CTNNA3: variants seen among roughly 807,000 people sequenced by gnomAD.
CTNNA3 encodes the protein catenin alpha 3.
Under a neutral mutation model 95.7 loss-of-function variants are expected in CTNNA3, and 76 were observed. That is an observed-to-expected ratio of 0.79 (90% CI 0.66 to 0.96). CTNNA3 has a LOEUF of 0.96. CTNNA3 is among the 40% of genes least tolerant of loss of function. The pLI, the probability that CTNNA3 is intolerant of heterozygous loss-of-function variation, is 0.00. For missense variants in CTNNA3, 1,191 were observed against 1,089.8 expected (o/e 1.09, Z -1.31); for synonymous variants, 431 against 374.4 (o/e 1.15, Z -1.74).
chr10:67,480,530 C>T (rs946213613), intron 5 of CTNNA3, among the ~76,000 whole-genome samples: 1 of 152,224 alleles, frequency 6.6e-6, no homozygotes, highest in Non-Finnish European at 1.5e-5. Context: ...CTGGCCCACC[C>T]AGGGCAGAAA....
intron 5 of CTNNA3, among the ~76,000 whole-genome samples, chr10:67,277,895 C>T (rs1019814809): frequency 6.6e-6 from 1 of 152,102 alleles, no homozygotes; most frequent in African/African-American, 2.4e-5. Flanking sequence ...TCCCAGAAAA[C>T]TTATGAATAA....
At chr10:67,725,642 GAGGGAAA>G (rs1841205747) in intron 1 of CTNNA3, among the ~76,000 whole-genome samples, 1 of 151,714 alleles carries the variant, frequency 6.6e-6, no homozygotes, top group Non-Finnish European at 1.5e-5. Flanking sequence ...ATAACCAAGG[GAGGGAAA>G]AAATAAAGAG....
chr10:66,583,505 A>C (rs1843261832), intron 10 of CTNNA3, among the ~76,000 whole-genome samples: 2 of 151,834 alleles, frequency 1.3e-5, no homozygotes, highest in Admixed American at 1.3e-4. Context: ...AATCTTTTGT[A>C]TATCTGTAGT....
chr10:67,281,591 T>C (rs1839403185), intron 5 of CTNNA3, among the ~76,000 whole-genome samples: 1 of 152,156 alleles, frequency 6.6e-6, no homozygotes. Flanking sequence ...ATATTTATAA[T>C]TCAGCAGGGA....
intron 17 of CTNNA3, 77 bp from the exon 18 acceptor site, chr10:65,920,694 C>T: frequency 6.8e-7 from 1 of 1,477,524 alleles, no homozygotes; most frequent in South Asian, 1.3e-5. Context: ...GGCATGGTGG[C>T]ATGTGCCCGT....
chr10:66,601,589 T>C (rs1232636746), intron 10 of CTNNA3, among the ~76,000 whole-genome samples: 1 of 151,910 alleles, frequency 6.6e-6, no homozygotes, highest in Non-Finnish European at 1.5e-5. Context: ...CACTGTCTGT[T>C]ATACTAACCA....
At chr10:66,706,840 A>T (rs1036378600) in intron 9 of CTNNA3, among the ~76,000 whole-genome samples, 2 of 152,044 alleles carry the variant, frequency 1.3e-5, no homozygotes, top group Admixed American at 1.3e-4. Context: ...TAAGGAAAAA[A>T]ATATTTGAAG....
chr10:66,110,461 T>C (rs1430794823), intron 13 of CTNNA3, among the ~76,000 whole-genome samples: 1 of 152,074 alleles, frequency 6.6e-6, no homozygotes, highest in Non-Finnish European at 1.5e-5. Flanking sequence ...TAGGTGTCTT[T>C]CATTGGATGA....
chr10:67,162,504 G>A (rs1206521351), intron 7 of CTNNA3, among the ~76,000 whole-genome samples: 1 of 151,796 alleles, frequency 6.6e-6, no homozygotes, highest in African/African-American at 2.4e-5. Flanking sequence ...ATCTGCAAAA[G>A]AGAAAACATT....
At chr10:67,054,925 A>G (rs1855333141) in intron 7 of CTNNA3, 1 of 152,188 alleles carries the variant, frequency 6.6e-6, no homozygotes, top group Admixed American at 6.5e-5. Flanking sequence ...CTGTCATTAT[A>G]ATGTTAAATC....
chr10:66,025,181 A>G (rs890442997), intron 15 of CTNNA3, among the ~76,000 whole-genome samples: 1 of 152,248 alleles, frequency 6.6e-6, no homozygotes, highest in African/African-American at 2.4e-5. Flanking sequence ...CACATACTCC[A>G]GAGTGAACTG....
intron 7 of CTNNA3, among the ~76,000 whole-genome samples, chr10:66,962,203 A>G (rs1849147764): frequency 6.6e-6 from 1 of 152,110 alleles, no homozygotes; most frequent in Admixed American, 6.5e-5. Context: ...AGGCAAAGTA[A>G]TTACAATGCC....
In CTNNA3 at chr10:66,699,404, C is replaced by CT. The variant is rs933415708; in HGVS notation, c.1281+66859dup. Among the ~76,000 whole-genome samples, 15 of 150,708 alleles carry CT rather than the reference C, an allele frequency of 1.0e-4. No individual in the cohort carries two copies. In the South Asian group the frequency reaches 1.0e-3, roughly 11 times the overall value. On this transcript the variant is annotated intron_variant, in intron 9 of 17. Coordinates refer to ENST00000433211, the MANE Select transcript of CTNNA3 (RefSeq NM_013266.4). ...TATCTCTTGGTGTTTTTCTTTTTTT[C>CT]TTTTTTTTTAAATAACAGCCATCTT...
At chr10:66,812,079 T>C (rs1244897221) in intron 7 of CTNNA3, among the ~76,000 whole-genome samples, 1 of 152,138 alleles carries the variant, frequency 6.6e-6, no homozygotes, top group African/African-American at 2.4e-5. Flanking sequence ...TTTCTTTATC[T>C]CACTGTAGTC....
At chr10:67,654,653 G>A (rs1839971468) in intron 1 of CTNNA3, among the ~76,000 whole-genome samples, 1 of 151,960 alleles carries the variant, frequency 6.6e-6, no homozygotes, top group Admixed American at 6.6e-5. Context: ...ACACCTGGCT[G>A]TTATTCCACT....
intron 7 of CTNNA3, among the ~76,000 whole-genome samples, chr10:67,112,821 A>G (rs963595589): frequency 6.6e-6 from 1 of 152,136 alleles, no homozygotes; most frequent in African/African-American, 2.4e-5. Flanking sequence ...ATTTTCTTCT[A>G]CATTTAATCA....
intron 12 of CTNNA3, among the ~76,000 whole-genome samples, chr10:66,356,425 T>C (rs1479940730): frequency 6.6e-6 from 1 of 152,022 alleles, no homozygotes; most frequent in Non-Finnish European, 1.5e-5. Context: ...TTTTTTTAGA[T>C]TTATACTTAC....
At chr10:67,677,387 T>G (rs1289314252) in intron 1 of CTNNA3, among the ~76,000 whole-genome samples, 3 of 152,190 alleles carry the variant, frequency 2.0e-5, no homozygotes, top group African/African-American at 7.2e-5. Flanking sequence ...ACATATGTGC[T>G]GTTTCCTTGG....
chr10:66,236,739 C>T (rs1019730768), intron 13 of CTNNA3, among the ~76,000 whole-genome samples: 31 of 151,962 alleles, frequency 2.0e-4, no homozygotes, highest in Non-Finnish European at 8.8e-5. Flanking sequence ...TTCCAACATG[C>T]TTTTGTTCAT....
Sources: gnomAD v4.1 joint callset for allele counts (sites outside exome capture counted in the v4.1 genomes callset) on GRCh38, gnomAD v4.1.1 for gene constraint, MANE v1.5 for transcripts, NCBI Gene and HGNC (gene_info 2026-07-23, HGNC 2026-07-21) for gene names.